The following B3GALT1 variants were observed in gnomAD, a reference collection of about 807,000 sequenced individuals.
The protein encoded by B3GALT1 is beta-1,3-galactosyltransferase 1, also known as UDP-Gal:betaGlcNAc beta 1,3-galactosyltransferase, polypeptide 1.
A neutral mutation model predicts 23.2 loss-of-function variants in B3GALT1; 10 were observed. The ratio of observed to expected loss-of-function variants is 0.43; its 90% CI spans 0.27 to 0.73. The LOEUF (loss-of-function observed/expected upper bound fraction) is 0.73. B3GALT1 is among the 30% of genes least tolerant of loss of function. B3GALT1 has a pLI of 0.21. For synonymous variants in B3GALT1, 156 were observed against 141.5 expected, an observed-to-expected ratio of 1.10 and a Z score of -0.73; for missense variants, 299 against 405.4, an observed-to-expected ratio of 0.74 and a Z score of 2.25.
At chr2:167,699,838 G>A (rs1686850670) in intron 3 of B3GALT1, among the ~76,000 whole-genome samples, 1 of 152,020 alleles carries the variant, frequency 6.6e-6, no homozygotes, top group African/African-American at 2.4e-5. Flanking sequence ...TCAGCCTACT[G>A]AGTAGTTGGG....
chr2:167,667,462 G>A (rs1266977031), intron 3 of B3GALT1, among the ~76,000 whole-genome samples: 1 of 152,028 alleles, frequency 6.6e-6, no homozygotes, highest in African/African-American at 2.4e-5. Flanking sequence ...TATCTTTGTG[G>A]TGTTCTCTGT....
intron 2 of B3GALT1, among the ~76,000 whole-genome samples, chr2:167,513,358 G>C (rs772625888): frequency 2.1e-4 from 32 of 152,102 alleles, no homozygotes; most frequent in Non-Finnish European, 3.5e-4. Context: ...TTTGTAAAAG[G>C]GGAAACAAAG....
At chr2:167,578,813 T>C (rs563144565) in intron 2 of B3GALT1, among the ~76,000 whole-genome samples, 1 of 152,110 alleles carries the variant, frequency 6.6e-6, no homozygotes, top group Admixed American at 6.5e-5. Flanking sequence ...TGGAAGTCAG[T>C]GGTGCTCTGG....
chr2:167,648,172 A>G (rs143564787), intron 3 of B3GALT1, among the ~76,000 whole-genome samples: 1 of 152,214 alleles, frequency 6.6e-6, no homozygotes, highest in African/African-American at 2.4e-5. Flanking sequence ...TCTCCCTATT[A>G]TGATATCTCA....
At chr2:167,678,509 G>T (rs1686468707) in intron 3 of B3GALT1, among the ~76,000 whole-genome samples, 1 of 151,726 alleles carries the variant, frequency 6.6e-6, no homozygotes, top group Non-Finnish European at 1.5e-5. Flanking sequence ...TCTACACTGT[G>T]ACCTCCCTAA....
rs549465280 is a variant in B3GALT1, at chr2:167,352,700, G to A, written c.-511+59366G>A. 5.2e-4 allele frequency among the ~76,000 whole-genome samples: 76 copies of A among 146,268 alleles called. No individual in the cohort carries two copies. The South Asian group carries it at 0.014, about 26-fold the overall frequency. On this transcript the variant is annotated intron_variant, in intron 1 of 4. Transcript: ENST00000392690. Reference sequence around the variant, plus strand: ...CACGCCACTGCACTCCAGCCTGGGCGACAGAGCGAGACTCCATCTCAAAAA... The same window carrying A: ...CACGCCACTGCACTCCAGCCTGGGCAACAGAGCGAGACTCCATCTCAAAAA...
intron 3 of B3GALT1, among the ~76,000 whole-genome samples, chr2:167,709,508 G>A (rs906099260): frequency 6.6e-6 from 1 of 152,200 alleles, no homozygotes; most frequent in Admixed American, 6.5e-5. Context: ...TGCTAAAATT[G>A]TGTTAATATT....
chr2:167,792,869 T>C (rs1688467457), intron 3 of B3GALT1, among the ~76,000 whole-genome samples: 1 of 151,592 alleles, frequency 6.6e-6, no homozygotes, highest in Non-Finnish European at 1.5e-5. Flanking sequence ...AATTTTTTTT[T>C]TTTTTTTAAC....
At chr2:167,610,339 A>G (rs955938797) in intron 2 of B3GALT1, among the ~76,000 whole-genome samples, 1 of 152,144 alleles carries the variant, frequency 6.6e-6, no homozygotes, top group Non-Finnish European at 1.5e-5. Context: ...AATAGGTTGT[A>G]ATAAGCCTTC....
chr2:167,553,120 C>T (rs1018443823), intron 2 of B3GALT1, among the ~76,000 whole-genome samples: 1 of 151,934 alleles, frequency 6.6e-6, no homozygotes, highest in Admixed American at 6.6e-5. Flanking sequence ...TTTAAGCTAC[C>T]TGAGCTTTAG....
chr2:167,852,857 C>G (rs531283263), intron 4 of B3GALT1, among the ~76,000 whole-genome samples: 1 of 152,270 alleles, frequency 6.6e-6, no homozygotes, highest in East Asian at 1.9e-4. Context: ...GCCATTTACT[C>G]AGATTATTTC....
intron 4 of B3GALT1, among the ~76,000 whole-genome samples, chr2:167,843,646 CCTAAAGACCCCAGATCA>C (rs1378086109): frequency 5.3e-5 from 8 of 152,142 alleles, no homozygotes; most frequent in Admixed American, 5.2e-4. Context: ...ATGCTGCCAC[CCTAAAGACCCCAGATCA>C]CATACTATTG....
intron 1 of B3GALT1, among the ~76,000 whole-genome samples, chr2:167,400,917 A>G (rs902037130): frequency 6.6e-6 from 1 of 152,152 alleles, no homozygotes; most frequent in African/African-American, 2.4e-5. Context: ...GGAAATTATT[A>G]TACTCAGTCC....
intron 1 of B3GALT1, among the ~76,000 whole-genome samples, chr2:167,468,742 C>T (rs971276488): frequency 5.9e-5 from 9 of 152,150 alleles, no homozygotes; most frequent in Non-Finnish European, 8.8e-5. Context: ...CATTGTGGCA[C>T]ATGCCTGAGT....
chr2:167,859,163 G>A (rs1252444437), intron 4 of B3GALT1, among the ~76,000 whole-genome samples: 2 of 151,974 alleles, frequency 1.3e-5, no homozygotes, highest in African/African-American at 4.8e-5. Context: ...AGCCCCACCC[G>A]AAGCCCAATC....
chr2:167,625,667 G>A (rs6737369), intron 2 of B3GALT1, among the ~76,000 whole-genome samples: 7,341 of 151,398 alleles, frequency 0.048, 350 homozygotes, highest in East Asian at 0.21. Context: ...ACAATTAACC[G>A]TATGGCATGA....
chr2:167,766,003 G>C (rs1687971669), intron 3 of B3GALT1, among the ~76,000 whole-genome samples: 1 of 152,178 alleles, frequency 6.6e-6, no homozygotes, highest in Admixed American at 6.5e-5. Flanking sequence ...CTGTCAGCTA[G>C]TTTTCTAAAC....
chr2:167,316,064 A>C (rs1696713030), intron 1 of B3GALT1, among the ~76,000 whole-genome samples: 1 of 151,150 alleles, frequency 6.6e-6, no homozygotes, highest in Non-Finnish European at 1.5e-5. Context: ...ATCCTGTTGA[A>C]TTTCTAGCAG....
intron 1 of B3GALT1, among the ~76,000 whole-genome samples, chr2:167,296,475 AGTCT>A (rs1183723982): frequency 1.3e-5 from 2 of 152,118 alleles, no homozygotes; most frequent in Non-Finnish European, 2.9e-5. Flanking sequence ...TGTCTCTTTC[AGTCT>A]GTCTCTTTCT....
Sources: gnomAD v4.1 joint callset for allele counts (sites outside exome capture counted in the v4.1 genomes callset) on GRCh38, gnomAD v4.1.1 for gene constraint, MANE v1.5 for transcripts, NCBI Gene and HGNC (gene_info 2026-07-23, HGNC 2026-07-21) for gene names.